The following CNTN4 variants were observed in gnomAD, a reference collection of about 807,000 sequenced individuals.
CNTN4 encodes contactin-4.
Under a neutral mutation model 122.5 loss-of-function variants are expected in CNTN4, and 77 were observed. The observed-to-expected ratio is 0.63, with a 90% CI of 0.52 to 0.76. CNTN4 has a LOEUF of 0.76. Ranked by LOEUF, CNTN4 falls within the 30% of genes least tolerant of loss-of-function variation. CNTN4 has a pLI of 0.00. For missense variants in CNTN4, 1,256 were observed against 1,259.1 expected (o/e 1.00, Z 0.04); for synonymous variants, 512 against 447.0 (o/e 1.15, Z -1.83).
At chr3:2,583,933 T>C (rs898088627) in intron 4 of CNTN4, among the ~76,000 whole-genome samples, 4 of 152,208 alleles carry the variant, frequency 2.6e-5, no homozygotes, top group Non-Finnish European at 4.4e-5. Context: ...ACCATATTGT[T>C]ACAGTATCAG....
At chr3:2,612,009 T>A (rs1403910779) in intron 4 of CNTN4, among the ~76,000 whole-genome samples, 1 of 75,384 alleles carries the variant, frequency 1.3e-5, no homozygotes, top group Non-Finnish European at 2.9e-5. Context: ...TACAAAATAT[T>A]CTCAGGTGGT....
chr3:3,039,095 T>C, intron 19 of CNTN4, 92 bp downstream of exon 19: 2 of 1,131,346 alleles, frequency 1.8e-6, no homozygotes, highest in South Asian at 2.6e-5. Flanking sequence ...AGTTTCCTCC[T>C]CTGTTTTTAA....
chr3:2,220,593 T>G (rs2039023752), intron 2 of CNTN4, among the ~76,000 whole-genome samples: 1 of 152,152 alleles, frequency 6.6e-6, no homozygotes, highest in African/African-American at 2.4e-5. Context: ...CAGTTCTGTT[T>G]TACGTCTGTT....
At chr3:2,700,838 A>G (rs1168404378) in intron 4 of CNTN4, among the ~76,000 whole-genome samples, 1 of 152,216 alleles carries the variant, frequency 6.6e-6, no homozygotes, top group Admixed American at 6.5e-5. Flanking sequence ...GACTATAATA[A>G]TAGAATGCAA....
chr3:2,595,263 A>G (rs9876583), intron 4 of CNTN4, among the ~76,000 whole-genome samples: 2,143 of 152,314 alleles, frequency 0.014, 47 homozygotes, highest in African/African-American at 0.049. Context: ...AAATAATTTG[A>G]TATTGGCATT....
chr3:3,051,558 C>T (rs796527971), intron 23 of CNTN4, among the ~76,000 whole-genome samples: 2 of 152,316 alleles, frequency 1.3e-5, no homozygotes, highest in African/African-American at 4.8e-5. Context: ...TCAGCCCATT[C>T]TCCTGGAGGG....
intron 3 of CNTN4, among the ~76,000 whole-genome samples, chr3:2,440,576 TAG>T (rs1395009901): frequency 6.6e-6 from 1 of 152,074 alleles, no homozygotes; most frequent in Admixed American, 6.6e-5. Flanking sequence ...TATTTGAGAA[TAG>T]AGACATGTGT....
chr3:2,493,043 C>T lies in CNTN4; in HGVS notation c.-88-78373C>T, dbSNP rs565762322. Among the ~76,000 whole-genome samples the T allele has an allele frequency of 4.3e-4, 65 of 152,230 alleles. 1 individual carries two copies. The highest frequency in any genetic ancestry group is 1.5e-3 in the African/African-American group (61 of 41,528). On this transcript the variant is annotated intron_variant, in intron 3 of 24. Transcript: ENST00000418658. The stretch of plus-strand genomic sequence containing the variant: ...CATAAATGGTAGTTCTTAAAAACAG[C>T]TGCACATTTTACTGTTAGTATCTGA...
rs142025757 is a variant in CNTN4, at chr3:2,828,520, T to C, written c.454+8939T>C. Among the ~76,000 whole-genome samples, 38 of 152,330 alleles carry C rather than the reference T, an allele frequency of 2.5e-4. No individual in the cohort carries two copies. The East Asian group carries it at 7.3e-3, about 29-fold the overall frequency. ...CTGCTACTATGCCATTTTCCAAGAATGTTGAGGTCAGCCAAACTTGGTTTA... is the reference window on the plus strand; with the variant it reads ...CTGCTACTATGCCATTTTCCAAGAACGTTGAGGTCAGCCAAACTTGGTTTA... On this transcript the variant is annotated intron_variant, in intron 7 of 24. Coordinates refer to ENST00000418658, the MANE Select transcript of CNTN4 (RefSeq NM_175607.3).
chr3:2,486,694 TG>T (rs2076172958), intron 3 of CNTN4, among the ~76,000 whole-genome samples: 1 of 152,206 alleles, frequency 6.6e-6, no homozygotes, highest in Admixed American at 6.5e-5. Flanking sequence ...TGAGTATTTT[TG>T]TTACTGTCTC....
At chr3:2,916,677 G>T (rs567266205) in intron 12 of CNTN4, among the ~76,000 whole-genome samples, 1 of 125,498 alleles carries the variant, frequency 8.0e-6, no homozygotes, top group Non-Finnish European at 1.7e-5. Context: ...CGACAAAACC[G>T]CCATCGTCAT....
At chr3:2,155,278 C>G (rs1302500593) in intron 2 of CNTN4, among the ~76,000 whole-genome samples, 6 of 152,140 alleles carry the variant, frequency 3.9e-5, no homozygotes, top group Non-Finnish European at 8.8e-5. Flanking sequence ...ACTCAGTTAC[C>G]TGACCTCTTA....
chr3:2,449,923 C>A (rs2048764920), intron 3 of CNTN4, among the ~76,000 whole-genome samples: 1 of 152,038 alleles, frequency 6.6e-6, no homozygotes, highest in Non-Finnish European at 1.5e-5. Flanking sequence ...GAATGGGATG[C>A]AGTTGCTAGA....
At chr3:2,691,710 T>G (rs1027811339) in intron 4 of CNTN4, among the ~76,000 whole-genome samples, 3 of 152,186 alleles carry the variant, frequency 2.0e-5, no homozygotes, top group Non-Finnish European at 2.9e-5. Context: ...TATGCATAAG[T>G]TAAAACATAT....
Position 2,495,500 on chromosome 3 carries a change from A to G in CNTN4, c.-88-75916A>G, listed in dbSNP as rs536029206. ...TTAATATGGCTCTTGTTTGGTCCCC[A>G]ATCCCCAGGCCATGGACAGGTTACC... On this transcript the variant is annotated intron_variant, in intron 3 of 24. Coordinates refer to ENST00000418658, the MANE Select transcript of CNTN4 (RefSeq NM_175607.3). 4.7e-4 allele frequency among the ~76,000 whole-genome samples: 72 copies of G among 152,320 alleles called. 1 individual carries two copies. Among genetic ancestry groups the G allele is most frequent in the African/African-American group, 1.7e-3 (71 of 41,578 alleles).
chr3:2,149,118 A>C (rs921467608), intron 2 of CNTN4, among the ~76,000 whole-genome samples: 2 of 152,192 alleles, frequency 1.3e-5, no homozygotes, highest in African/African-American at 2.4e-5. Context: ...TCAGTGAATC[A>C]GGCAAATTTC....
chr3:2,382,171 A>ATT (rs60838071), intron 3 of CNTN4, among the ~76,000 whole-genome samples: 101 of 139,698 alleles, frequency 7.2e-4, no homozygotes, highest in African/African-American at 2.5e-3. Context: ...TCCTATCGTG[A>ATT]TTTTTTTTTT....
intron 4 of CNTN4, among the ~76,000 whole-genome samples, chr3:2,700,882 C>T (rs2086321141): frequency 5.9e-5 from 9 of 152,122 alleles, no homozygotes; most frequent in Admixed American, 5.9e-4. Context: ...CCTGAACGAA[C>T]ATGTTTTGTC....
chr3:2,869,517 G>A (rs1478564767), intron 8 of CNTN4, among the ~76,000 whole-genome samples: 1 of 152,146 alleles, frequency 6.6e-6, no homozygotes, highest in African/African-American at 2.4e-5. Context: ...TACTGCACAG[G>A]TTAGCAAAGG....
Sources: allele counts gnomAD v4.1 joint callset (sites outside exome capture counted in the v4.1 genomes callset), GRCh38; gene constraint gnomAD v4.1.1; transcripts MANE v1.5; gene names NCBI Gene and HGNC (gene_info 2026-07-23, HGNC 2026-07-21).